MXI1: variants seen among roughly 807,000 people sequenced by gnomAD.
The protein encoded by MXI1 is MAX interactor 1, dimerization protein.
MXI1 carries 18 observed loss-of-function variants against 36.9 expected under a neutral mutation model. The observed-to-expected ratio is 0.49, with a 90% CI of 0.34 to 0.72. MXI1 has a LOEUF of 0.72. MXI1 is among the 30% of genes least tolerant of loss of function. MXI1 has a pLI of 0.01. For synonymous variants in MXI1, 160 were observed against 146.7 expected (o/e 1.09, Z -0.65); for missense variants, 304 against 379.1 (o/e 0.80, Z 1.64).
At chr10:110,276,503 A>G (rs1857033812) in intron 3 of MXI1, among the ~76,000 whole-genome samples, 1 of 152,196 alleles carries the variant, frequency 6.6e-6, no homozygotes, top group Admixed American at 6.5e-5. Context: ...CTCTCGATTT[A>G]TTCAGATTCT....
At chr10:110,251,759 G>A (rs995012862) in intron 3 of MXI1, among the ~76,000 whole-genome samples, 5 of 152,102 alleles carry the variant, frequency 3.3e-5, no homozygotes, top group Non-Finnish European at 5.9e-5. Flanking sequence ...TATAAGAAAA[G>A]AATAAGGAAA....
At chr10:110,232,240 G>A (rs570734476) in intron 2 of MXI1, among the ~76,000 whole-genome samples, 3 of 152,298 alleles carry the variant, frequency 2.0e-5, no homozygotes, top group African/African-American at 7.2e-5. Flanking sequence ...GATTACAGGT[G>A]TGACCCACCG....
intron 2 of MXI1, among the ~76,000 whole-genome samples, chr10:110,241,015 TTGAC>T (rs1271613341): frequency 6.6e-6 from 1 of 151,954 alleles, no homozygotes; most frequent in Non-Finnish European, 1.5e-5. Context: ...GTTCATTTCT[TTGAC>T]TGCCACCAAA....
Position 110,285,501 on chromosome 10 carries a change from C to A in MXI1, c.*514C>A, listed in dbSNP as rs766897281. 1 of 151,614 alleles carries A rather than the reference C, an allele frequency of 6.6e-6. No homozygotes were observed. The highest frequency in any genetic ancestry group is 2.4e-5 in the African/African-American group (1 of 40,992). The allele number at this position is 151,614 out of a possible 1,614,324, so 9.4% of individuals were successfully genotyped here. A position where few individuals can be genotyped will look rare whatever the true frequency, so the allele number is the denominator to read the frequency against. On this transcript the variant is annotated 3_prime_UTR_variant, in exon 6 of 6. Transcript: ENST00000332674. Reference sequence around the variant, plus strand: ...CAGCCTGGGACAGTTTATCATGAAGCCTGTGGATGATCAATCCTTTATTAT... The same window carrying A: ...CAGCCTGGGACAGTTTATCATGAAGACTGTGGATGATCAATCCTTTATTAT...
At chr10:110,253,057 T>C (rs1856156076) in intron 3 of MXI1, among the ~76,000 whole-genome samples, 1 of 152,106 alleles carries the variant, frequency 6.6e-6, no homozygotes, top group Non-Finnish European at 1.5e-5. Flanking sequence ...GAACACTTTA[T>C]CTGATGAAGT....
At chr10:110,275,876 G>A (rs1181443800) in intron 3 of MXI1, among the ~76,000 whole-genome samples, 2 of 152,168 alleles carry the variant, frequency 1.3e-5, no homozygotes, top group Non-Finnish European at 2.9e-5. Flanking sequence ...ACTGGCCTTT[G>A]TGAGATATCT....
At position 110,239,621 on chromosome 10, in the gene MXI1, T is replaced by A. The variant is rs370080173; in HGVS notation, c.408-5207T>A. Among the ~76,000 whole-genome samples, 21 of 152,326 alleles carry A rather than the reference T, an allele frequency of 1.4e-4. No homozygotes were observed. The South Asian group carries it at 2.7e-3, about 20-fold the overall frequency. ...CTTACTCTGTATGATTTCAGTACTT[T>A]TAGATTTGTTAAAAATCATCCTTTA... On this transcript the variant is annotated intron_variant, in intron 2 of 5. Coordinates refer to ENST00000332674, the MANE Select transcript of MXI1 (RefSeq NM_130439.3).
intron 1 of MXI1, 70 bp from the exon 2 acceptor site, chr10:110,228,119 C>A: frequency 1.3e-6 from 2 of 1,563,490 alleles, no homozygotes; most frequent in Non-Finnish European, 1.8e-6. Flanking sequence ...GCAAAGACCT[C>A]GGATTTGTGG....
chr10:110,219,660 T>C (rs6584981), intron 1 of MXI1, among the ~76,000 whole-genome samples: 152,343 of 152,354 alleles, frequency 1, 76,167 homozygotes, highest in Non-Finnish European at 1. Context: ...TCATTTATCC[T>C]GTATCCTGCT....
chr10:110,287,010 C>CT lies in MXI1; in HGVS notation c.*2025dup, dbSNP rs1488619717. The stretch of plus-strand genomic sequence containing the variant: ...GATGTTGTCTCTGTGTTTGCTTACT[C>CT]TTGATCAAGTGTGAGACAGTTTGAA... On this transcript the variant is annotated 3_prime_UTR_variant, in exon 6 of 6. Coordinates refer to ENST00000332674, the MANE Select transcript of MXI1 (RefSeq NM_130439.3). The CT allele has an allele frequency of 6.6e-6, 1 of 152,174 alleles. No individual in the cohort carries two copies. Among genetic ancestry groups the CT allele is most frequent in the Non-Finnish European group, 1.5e-5 (1 of 68,032 alleles). 9.4% of individuals were successfully genotyped at this position (152,174 alleles called of 1,614,324 possible). A position where few individuals can be genotyped will look rare whatever the true frequency, so the allele number is the denominator to read the frequency against.
chr10:110,242,988 A>G (rs552027997), intron 2 of MXI1, among the ~76,000 whole-genome samples: 1 of 152,090 alleles, frequency 6.6e-6, no homozygotes, highest in Admixed American at 6.6e-5. Flanking sequence ...AAACTTGCTC[A>G]CCAGTGGGGG....
chr10:110,246,663 C>G (rs1049008807), intron 3 of MXI1, among the ~76,000 whole-genome samples: 1 of 152,274 alleles, frequency 6.6e-6, no homozygotes, highest in Admixed American at 6.5e-5. Flanking sequence ...TTTGTATCCT[C>G]AGTGCCTAGC....
chr10:110,278,163 A>G (rs1189908465), intron 3 of MXI1, among the ~76,000 whole-genome samples: 1 of 152,224 alleles, frequency 6.6e-6, no homozygotes, highest in Non-Finnish European at 1.5e-5. Context: ...CACAGGACCA[A>G]AGATGTGGAC....
At chr10:110,266,608 A>G (rs1301205853) in intron 3 of MXI1, among the ~76,000 whole-genome samples, 1 of 152,100 alleles carries the variant, frequency 6.6e-6, no homozygotes, top group African/African-American at 2.4e-5. Flanking sequence ...GCCCTCCATA[A>G]TTTCTTAGAG....
intron 1 of MXI1, chr10:110,208,346 C>A (rs1381124106): frequency 2.3e-5 from 7 of 310,056 alleles, no homozygotes; most frequent in Admixed American, 5.7e-5. Flanking sequence ...GATGGCCCAG[C>A]GGAGGAGCGG....
chr10:110,262,598 AT>A (rs111344197), intron 3 of MXI1, among the ~76,000 whole-genome samples: 6,136 of 151,994 alleles, frequency 0.04, 410 homozygotes, highest in African/African-American at 0.14. Flanking sequence ...TTAAAAAAAG[AT>A]TTTTTTTGAG....
At chr10:110,240,026 T>C (rs1039965624) in intron 2 of MXI1, among the ~76,000 whole-genome samples, 1 of 152,094 alleles carries the variant, frequency 6.6e-6, no homozygotes, top group African/African-American at 2.4e-5. Context: ...TGTGTACTTT[T>C]TGTGTGTGTT....
chr10:110,272,765 A>G (rs1856896331), intron 3 of MXI1, among the ~76,000 whole-genome samples: 1 of 146,606 alleles, frequency 6.8e-6, no homozygotes, highest in Admixed American at 6.7e-5. Context: ...TTTCTATTTG[A>G]TTATTTTATA....
At position 110,222,599 on chromosome 10, in the gene MXI1, C is replaced by T. The variant is rs57480230; in HGVS notation, c.275-5590C>T. On this transcript the variant is annotated intron_variant, in intron 1 of 5. Coordinates refer to ENST00000332674, the MANE Select transcript of MXI1 (RefSeq NM_130439.3). ...CCTGGGGTATTCTGGGGGACTTTCT[C>T]CATTTTCAAATGACTCCCTTGAGAG... 2.1e-3 allele frequency among the ~76,000 whole-genome samples: 317 copies of T among 152,244 alleles called. 1 individual carries two copies. The highest frequency in any genetic ancestry group is 6.8e-3 in the African/African-American group (283 of 41,520).
Sources: allele counts gnomAD v4.1 joint callset (sites outside exome capture counted in the v4.1 genomes callset), GRCh38; gene constraint gnomAD v4.1.1; transcripts MANE v1.5; gene names NCBI Gene and HGNC (gene_info 2026-07-23, HGNC 2026-07-21).